FAF1: variants seen among roughly 807,000 people sequenced by gnomAD.
The protein encoded by FAF1 is Fas associated factor 1, also known as FAS-associated factor 1.
Under a neutral mutation model 92.5 loss-of-function variants are expected in FAF1, and 25 were observed. The ratio of observed to expected loss-of-function variants is 0.27; its 90% CI spans 0.20 to 0.38. The LOEUF (loss-of-function observed/expected upper bound fraction) is 0.38. Ranked by LOEUF, FAF1 falls within the 10% of genes least tolerant of loss-of-function variation. The probability of loss-of-function intolerance (pLI) is 1.00; values close to 1 mark genes in which losing one functional copy is unlikely to be tolerated. For synonymous variants in FAF1, 234 were observed against 273.2 expected (o/e 0.86, Z 1.42); for missense variants, 636 against 793.3 (o/e 0.80, Z 2.38).
chr1:50,847,065 T>C (rs1356618626), intron 2 of FAF1, among the ~76,000 whole-genome samples: 1 of 152,206 alleles, frequency 6.6e-6, no homozygotes, highest in African/African-American at 2.4e-5. Context: ...CGGATCATTC[T>C]TGATTTTGTT....
chr1:50,642,756 G>A (rs1654400009), intron 8 of FAF1, among the ~76,000 whole-genome samples: 1 of 151,962 alleles, frequency 6.6e-6, no homozygotes, highest in Non-Finnish European at 1.5e-5. Flanking sequence ...CATACTTACT[G>A]TAATTATCAA....
chr1:50,445,739 T>C (rs899230016), intron 18 of FAF1, among the ~76,000 whole-genome samples: 1 of 152,206 alleles, frequency 6.6e-6, no homozygotes, highest in African/African-American at 2.4e-5. Context: ...CATTCTCAGA[T>C]AAGAGGTATG....
intron 3 of FAF1, among the ~76,000 whole-genome samples, chr1:50,797,481 G>C (rs778652907): frequency 1.9e-4 from 29 of 152,026 alleles, no homozygotes; most frequent in Non-Finnish European, 4.0e-4. Flanking sequence ...TGGGAGGATG[G>C]CTTGAACCCA....
At chr1:50,534,920 T>G (rs1412061562) in intron 15 of FAF1, among the ~76,000 whole-genome samples, 1 of 152,238 alleles carries the variant, frequency 6.6e-6, no homozygotes, top group African/African-American at 2.4e-5. Flanking sequence ...TTCAGAATGC[T>G]GGAGATCTTT....
rs966980474 is a variant in FAF1, at chr1:50,817,934, C to T, written c.115-16257G>A. On this transcript the variant is annotated intron_variant, in intron 2 of 18. Transcript: ENST00000396153. ...ACATATTCTGCAATAATAAAAGGCT[C>T]GAAAAAGGTAAATACTATATGATTC... Among the ~76,000 whole-genome samples, 7 of 151,710 alleles carry T rather than the reference C, an allele frequency of 4.6e-5. No homozygotes were observed. In the East Asian group the frequency reaches 1.2e-3, roughly 25 times the overall value.
chr1:50,867,926 C>T (rs1644495761), intron 1 of FAF1, among the ~76,000 whole-genome samples: 1 of 152,094 alleles, frequency 6.6e-6, no homozygotes, highest in Non-Finnish European at 1.5e-5. Context: ...TGGAACCAGC[C>T]TAACTTCCCA....
intron 1 of FAF1, among the ~76,000 whole-genome samples, chr1:50,921,101 T>C (rs888023803): frequency 6.6e-6 from 1 of 152,214 alleles, no homozygotes; most frequent in East Asian, 1.9e-4. Flanking sequence ...AAAAGCCCAC[T>C]GTGTCCCCCA....
chr1:50,762,792 G>A (rs1451530196), intron 4 of FAF1, among the ~76,000 whole-genome samples: 1 of 151,986 alleles, frequency 6.6e-6, no homozygotes, highest in African/African-American at 2.4e-5. Context: ...AGGACTTCAT[G>A]TCTAAAACAC....
chr1:50,877,241 G>A (rs1439362531), intron 1 of FAF1, among the ~76,000 whole-genome samples: 1 of 152,198 alleles, frequency 6.6e-6, no homozygotes. Flanking sequence ...AAAATATAAT[G>A]TGATGAAAAT....
chr1:50,835,842 A>G (rs1055040086), intron 2 of FAF1, among the ~76,000 whole-genome samples: 1 of 152,132 alleles, frequency 6.6e-6, no homozygotes, highest in African/African-American at 2.4e-5. Context: ...CGACTGGTCT[A>G]TTTGGGTAGA....
At chr1:50,887,421 T>G (rs1470912013) in intron 1 of FAF1, among the ~76,000 whole-genome samples, 1 of 152,246 alleles carries the variant, frequency 6.6e-6, no homozygotes, top group African/African-American at 2.4e-5. Context: ...TTGCCATTGC[T>G]TTTGGTGTTT....
At chr1:50,453,768 A>T (rs897741936) in intron 18 of FAF1, among the ~76,000 whole-genome samples, 7 of 152,218 alleles carry the variant, frequency 4.6e-5, no homozygotes, top group Non-Finnish European at 8.8e-5. Context: ...GGAAAGTGGT[A>T]CTTGAAGGTG....
intron 2 of FAF1, among the ~76,000 whole-genome samples, chr1:50,827,180 A>G (rs1644107728): frequency 6.6e-6 from 1 of 152,128 alleles, no homozygotes; most frequent in Non-Finnish European, 1.5e-5. Flanking sequence ...CGGTTTTGTC[A>G]AAAAGAAAAG....
intron 7 of FAF1, among the ~76,000 whole-genome samples, chr1:50,677,535 T>C (rs1656177915): frequency 1.3e-5 from 2 of 152,244 alleles, no homozygotes. Flanking sequence ...AAAATTGTTA[T>C]ACTTCTGAAT....
At chr1:50,622,957 T>A (rs77733062) in intron 8 of FAF1, among the ~76,000 whole-genome samples, 35,198 of 152,080 alleles carry the variant, frequency 0.23, 4,481 homozygotes, top group Middle Eastern at 0.44. Flanking sequence ...CCTGATTCTC[T>A]CCCTCATTAT....
At chr1:50,630,826 A>ATTTTTTTTTTTTTTTTTTTTT (rs1471050080) in intron 8 of FAF1, among the ~76,000 whole-genome samples, 1 of 125,336 alleles carries the variant, frequency 8.0e-6, no homozygotes, top group African/African-American at 3.2e-5. Context: ...AGTGTATCAT[A>ATTTTTTTTTTTTTTTTTTTTT]TCTTTTTTTT....
intron 6 of FAF1, among the ~76,000 whole-genome samples, chr1:50,720,098 T>A (rs965292369): frequency 1.3e-5 from 2 of 151,976 alleles, no homozygotes; most frequent in African/African-American, 4.8e-5. Context: ...ACCTCCTGAG[T>A]TGAAGCAATT....
At chr1:50,543,005 A>G (rs188833101) in intron 13 of FAF1, among the ~76,000 whole-genome samples, 12 of 152,338 alleles carry the variant, frequency 7.9e-5, no homozygotes, top group African/African-American at 2.4e-4. Context: ...AGATAAGATG[A>G]AATGGTTTTA....
At chr1:50,861,198 C>T (rs1013766312) in intron 1 of FAF1, among the ~76,000 whole-genome samples, 6 of 151,748 alleles carry the variant, frequency 4.0e-5, no homozygotes, top group Admixed American at 3.9e-4. Flanking sequence ...ATCTGTACTC[C>T]CTGAATCTAA....
Sources: gnomAD v4.1 joint callset for allele counts (sites outside exome capture counted in the v4.1 genomes callset) on GRCh38, gnomAD v4.1.1 for gene constraint, MANE v1.5 for transcripts, NCBI Gene and HGNC (gene_info 2026-07-23, HGNC 2026-07-21) for gene names.